The following CCDC136 variants were observed in gnomAD, a reference collection of about 807,000 sequenced individuals.
The protein encoded by CCDC136 is coiled-coil domain-containing protein 136.
CCDC136 carries 100 observed loss-of-function variants against 141.2 expected under a neutral mutation model. That is an observed-to-expected ratio of 0.71 (90% CI 0.60 to 0.84). The LOEUF (loss-of-function observed/expected upper bound fraction) is 0.84. Ranked by LOEUF, CCDC136 falls within the 40% of genes least tolerant of loss-of-function variation. CCDC136 has a pLI of 0.00. For missense variants in CCDC136, 1,206 were observed against 1,379.4 expected (o/e 0.87, Z 1.99); for synonymous variants, 474 against 531.9 (o/e 0.89, Z 1.50).
chr7:128,800,622 G>A (rs1446930781), intron 3 of CCDC136, among the ~76,000 whole-genome samples: 7 of 152,082 alleles, frequency 4.6e-5, no homozygotes, highest in Admixed American at 4.6e-4. Flanking sequence ...ATCCCTTATC[G>A]ACTGACACTT....
At chr7:128,802,642 G>T (rs781285328) in intron 4 of CCDC136, among the ~76,000 whole-genome samples, 3 of 152,192 alleles carry the variant, frequency 2.0e-5, no homozygotes, top group African/African-American at 7.2e-5. Flanking sequence ...AAAATGTAGA[G>T]AAATCCAAGT....
chr7:128,794,522 A>T lies in CCDC136; in HGVS notation c.191A>T (p.Gln64Leu). 4 of 1,553,516 alleles carry T rather than the reference A, an allele frequency of 2.6e-6. No homozygotes were observed. The highest frequency in any genetic ancestry group is 3.5e-6 in the Non-Finnish European group (4 of 1,148,022). Residue 64 changes from glutamine (Q) to leucine (L), a missense_variant, in exon 2 of 18, where the codon CAG becomes CTG. Coordinates refer to ENST00000297788, the MANE Select transcript of CCDC136 (RefSeq NM_022742.5). The surrounding 1 kb of genome is among the most constrained non-coding windows in gnomAD (Gnocchi z 4.3). ...TETELEELRA[Q>L]VLQLVAELEE... The stretch of plus-strand genomic sequence containing the variant: ...ACAGAGCTGGAGGAGCTGCGGGCTC[A>T]GGTGCTGCAGCTGGTGGCAGAACTG...
chr7:128,817,921 G>C lies in CCDC136; in HGVS notation c.*5+57G>C. On this transcript the variant is annotated intron_variant, in intron 17 of 17. Transcript: ENST00000297788. This position sits in a 1 kb window ranked among gnomAD's most constrained non-coding sequence, Gnocchi z 4.6. ...ATAGAGGGAGGGTGCAGGTTGCCCT[G>C]GCCTCTCCTCTTTCCCTTTTCTCCC... 7.6e-7 allele frequency: 1 copy of C among 1,308,340 alleles called. No individual in the cohort carries two copies. Among genetic ancestry groups the C allele is most frequent in the East Asian group, 2.3e-5 (1 of 43,230 alleles). 81.0% of individuals were successfully genotyped at this position (1,308,340 alleles called of 1,614,324 possible). A position where few individuals can be genotyped will look rare whatever the true frequency, so the allele number is the denominator to read the frequency against.
intron 10 of CCDC136, chr7:128,809,000 G>T: frequency 4.1e-6 from 4 of 981,090 alleles, no homozygotes; most frequent in Non-Finnish European, 4.8e-6. Flanking sequence ...GCAAAAATGG[G>T]AAAAATTAGG....
chr7:128,812,698 C>T lies in CCDC136; in HGVS notation c.2542-10C>T. ...TCAGGGTGCTATTGTTGCTCCCCCACCCCCCGCAGCGCTTTGAGGAAATGG... is the reference window on the plus strand; with the variant it reads ...TCAGGGTGCTATTGTTGCTCCCCCATCCCCCGCAGCGCTTTGAGGAAATGG... On this transcript the variant is annotated splice_polypyrimidine_tract_variant and intron_variant, in intron 13 of 17. Coordinates refer to ENST00000297788, the MANE Select transcript of CCDC136 (RefSeq NM_022742.5). 2 of 1,604,866 alleles carry T rather than the reference C, an allele frequency of 1.2e-6. No individual in the cohort carries two copies. Among genetic ancestry groups the T allele is most frequent in the Non-Finnish European group, 8.5e-7 (1 of 1,174,742 alleles).
At position 128,810,237 on chromosome 7, in the gene CCDC136, C is replaced by G; in HGVS notation, c.1899C>G (p.Asp633Glu). ...AGAAGAAGCTGATACAGAACCAAGA[C>G]TGTGTATTAAAAGAACAATTAGAGA... ...EEQKKLIQNQDCVLKEQLEIH... is the reference protein window; with the variant it reads ...EEQKKLIQNQECVLKEQLEIH... Residue 633 changes from aspartate to glutamate, a missense_variant, in exon 12 of 18, where the codon GAC (aspartate) becomes GAG (glutamate). Coordinates refer to ENST00000297788, the MANE Select transcript of CCDC136 (RefSeq NM_022742.5). 4 of 1,613,114 alleles carry G rather than the reference C, an allele frequency of 2.5e-6. No individual in the cohort carries two copies. In the South Asian group the frequency reaches 4.4e-5, roughly 18 times the overall value.
chr7:128,813,082 A>C (rs1228314100), intron 14 of CCDC136, among the ~76,000 whole-genome samples, 153 bp downstream of exon 14: 1 of 152,156 alleles, frequency 6.6e-6, no homozygotes, highest in East Asian at 1.9e-4. Flanking sequence ...GACATTTCCC[A>C]AGTGCCCGTG....
At chr7:128,812,399 G>A (rs1805885667) in intron 13 of CCDC136, 87 bp downstream of exon 13, 2 of 1,404,612 alleles carry the variant, frequency 1.4e-6, no homozygotes, top group African/African-American at 1.4e-5. Context: ...GGGGCAAGAA[G>A]TGTGGGAATG....
At chr7:128,801,065 A>G in intron 3 of CCDC136, 121 bp from the exon 4 acceptor site, 3 of 660,558 alleles carry the variant, frequency 4.5e-6, no homozygotes. Flanking sequence ...CTGATGGGGT[A>G]GAGACAAGGT....
Position 128,806,403 on chromosome 7 carries a change from C to A in CCDC136, c.1248+8C>A. On this transcript the variant is annotated splice_region_variant and intron_variant, in intron 8 of 17. Transcript: ENST00000297788. ...GAAAACCAGAGTGAGAAGGTAACAG[C>A]AACCAGAGGTGAGGGGACAACTTAG... 1.3e-6 allele frequency: 2 copies of A among 1,594,622 alleles called. No individual in the cohort carries two copies. Among genetic ancestry groups the A allele is most frequent in the Non-Finnish European group, 1.7e-6 (2 of 1,167,738 alleles).
chr7:128,817,731 C>G lies in CCDC136; in HGVS notation c.3364-27C>G. On this transcript the variant is annotated intron_variant, in intron 16 of 17. Coordinates refer to ENST00000297788, the MANE Select transcript of CCDC136 (RefSeq NM_022742.5). This position sits in a 1 kb window ranked among gnomAD's most constrained non-coding sequence, Gnocchi z 4.6. ...TCACATCTCCTGGTCTCTCCTCGTG[C>G]TTCTTTCTCATTTTGGTGTGTTGCA... 6.7e-7 allele frequency: 1 copy of G among 1,499,146 alleles called. No individual in the cohort carries two copies. The highest frequency in any genetic ancestry group is 9.3e-7 in the Non-Finnish European group (1 of 1,075,338). 92.9% of individuals were successfully genotyped at this position (1,499,146 alleles called of 1,614,324 possible).
Position 128,794,609 on chromosome 7 carries a change from G to T in CCDC136, c.271+7G>T. The T allele has an allele frequency of 6.5e-7, 1 of 1,542,536 alleles. No individual in the cohort carries two copies. Among genetic ancestry groups the T allele is most frequent in the Middle Eastern group, 1.7e-4 (1 of 5,878 alleles). On this transcript the variant is annotated splice_region_variant and intron_variant, in intron 2 of 17. Transcript: ENST00000297788. The surrounding 1 kb of genome is among the most constrained non-coding windows in gnomAD (Gnocchi z 4.3). ...GACTCCTTGGAGCTACAGGGTGAGT[G>T]CCTGGGCCAGGGCCCAGTGCCCGGG...
At chr7:128,807,787 C>T (rs1334258484) in intron 10 of CCDC136, 4 of 305,642 alleles carry the variant, frequency 1.3e-5, no homozygotes, top group African/African-American at 2.1e-5. Flanking sequence ...AAGTTTTACA[C>T]ATGATTCCAT....
In CCDC136 at chr7:128,812,757, A is replaced by C. The variant is rs760572555; in HGVS notation, c.2591A>C (p.Gln864Pro). ...GTGCTGATCAAGCTGCAGGCGGTGC[A>C]GGCCATGTACCAGATAAGCCAGGAG... ...VKVLIKLQAV[Q>P]AMYQISQEEH... The change falls in exon 14 of 18, where the codon CAG (glutamine) becomes CCG (proline). Residue 864 changes from glutamine to proline, a missense_variant. By Grantham distance (76) the Gln-to-Pro change is moderately conservative. Coordinates refer to ENST00000297788, the MANE Select transcript of CCDC136 (RefSeq NM_022742.5). The C allele has an allele frequency of 6.2e-7, 1 of 1,613,614 alleles. No individual in the cohort carries two copies. Among genetic ancestry groups the C allele is most frequent in the Non-Finnish European group, 8.5e-7 (1 of 1,179,836 alleles).
At chr7:128,790,847 A>G (rs964014104), upstream of CCDC136, 1 of 152,112 alleles carries the variant, frequency 6.6e-6, no homozygotes, top group African/African-American at 2.4e-5. This position sits in a 1 kb window ranked among gnomAD's most constrained non-coding sequence, Gnocchi z 5.4. Context: ...GGTCGCGGAA[A>G]GCGGAGAGGT....
chr7:128,803,815 CTTT>C (rs547570254), intron 4 of CCDC136, among the ~76,000 whole-genome samples: 9 of 135,174 alleles, frequency 6.7e-5, no homozygotes, highest in Non-Finnish European at 9.5e-5. Context: ...GAAAGAATTC[CTTT>C]TTTTTTTTTT....
In CCDC136 at chr7:128,806,726, C is replaced by T. The variant is rs774599442; in HGVS notation, c.1287C>T (p.His429=). ...LCRLQKLHLQ[H]QNVTCEKEKL... is the part of the protein sequence containing the mutation. ...GGCTGCAGAAGCTGCACCTCCAGCA[C>T]CAGAACGTCACATGTGAGAAGGAAA... Residue 429 remains histidine, a synonymous_variant, in exon 9 of 18, where the codon CAC becomes CAT. Coordinates refer to ENST00000297788, the MANE Select transcript of CCDC136 (RefSeq NM_022742.5). The T allele has an allele frequency of 1.6e-5, 25 of 1,611,220 alleles. No individual in the cohort carries two copies. Among genetic ancestry groups the T allele is most frequent in the Admixed American group, 5.0e-5 (3 of 59,906 alleles).
chr7:128,809,372 G>A (rs937457496), intron 10 of CCDC136, 78 bp from the exon 11 acceptor site: 33 of 946,174 alleles, frequency 3.5e-5, no homozygotes, highest in Admixed American at 1.5e-4. Context: ...GCAGGAGAGC[G>A]CAGAAGTGCT....
Position 128,807,347 on chromosome 7 carries a change from C to T in CCDC136, c.1420-13C>T, listed in dbSNP as rs372753169. ...TGCCTGGGATGATGGCCAGGCCTGC[C>T]TCCCCTGCCCAGGACACAGAGACGC... On this transcript the variant is annotated splice_polypyrimidine_tract_variant and intron_variant, in intron 9 of 17. Coordinates refer to ENST00000297788, the MANE Select transcript of CCDC136 (RefSeq NM_022742.5). 1.0e-5 allele frequency: 15 copies of T among 1,450,638 alleles called. No homozygotes were observed. Among genetic ancestry groups the T allele is most frequent in the East Asian group, 8.2e-5 (3 of 36,426 alleles). 89.9% of individuals were successfully genotyped at this position (1,450,638 alleles called of 1,614,324 possible).
Sources: gnomAD v4.1 joint callset for allele counts (sites outside exome capture counted in the v4.1 genomes callset) on GRCh38, gnomAD v4.1.1 for gene constraint, Gnocchi (gnomAD v3.1) non-coding constraint, MANE v1.5 for transcripts, NCBI Gene and HGNC (gene_info 2026-07-23, HGNC 2026-07-21) for gene names.